Variants in C4orf51 observed in about 807,000 individuals in gnomAD.
C4orf51 encodes the protein uncharacterized protein C4orf51.
In C4orf51, 25 loss-of-function variants were observed where a neutral mutation model predicts 25.2. The observed-to-expected ratio is 0.99, with a 90% confidence interval of 0.72 to 1.39. The LOEUF is 1.39. Ranked by LOEUF, C4orf51 falls within the 40% of genes most tolerant of loss-of-function variation. C4orf51 has a pLI of 0.00. For missense variants in C4orf51, 252 were observed against 239.6 expected, an observed-to-expected ratio of 1.05 and a Z score of -0.34; for synonymous variants, 100 against 84.5, an observed-to-expected ratio of 1.18 and a Z score of -1.01.
chr4:145,712,831 T>C (rs891751340), intron 2 of C4orf51, among the ~76,000 whole-genome samples: 1 of 152,224 alleles, frequency 6.6e-6, no homozygotes, highest in Admixed American at 6.5e-5. Flanking sequence ...AATCAAAGCT[T>C]GGCTTCAAAA....
intron 2 of C4orf51, among the ~76,000 whole-genome samples, chr4:145,713,103 G>A (rs1181926460): frequency 6.6e-6 from 1 of 152,204 alleles, no homozygotes; most frequent in Non-Finnish European, 1.5e-5. Context: ...ACTGCCGACT[G>A]ACAATGCACC....
intron 2 of C4orf51, among the ~76,000 whole-genome samples, chr4:145,721,736 G>A (rs569567817): frequency 6.6e-6 from 1 of 152,298 alleles, no homozygotes; most frequent in South Asian, 2.1e-4. Context: ...GCACTTTACT[G>A]TTCAAGCATA....
At position 145,732,643 on chromosome 4, in the gene C4orf51, C is replaced by G. The variant is rs968791192; in HGVS notation, c.*83C>G. On this transcript the variant is annotated 3_prime_UTR_variant, in exon 6 of 6. Transcript: ENST00000438731. Reference sequence around the variant, plus strand: ...AGGTATGGGGCCCTCCCAACACCCTCCCCCCACCCGCCCCGCCCAGGAACG... The same window carrying G: ...AGGTATGGGGCCCTCCCAACACCCTGCCCCCACCCGCCCCGCCCAGGAACG... 1.2e-5 allele frequency: 10 copies of G among 851,724 alleles called. No homozygotes were observed. The African/African-American group carries it at 1.2e-4, about 10-fold the overall frequency. 52.8% of individuals were successfully genotyped at this position (851,724 alleles called of 1,614,324 possible).
chr4:145,758,007 T>C (rs1464245856), downstream of C4orf51: 2 of 152,194 alleles, frequency 1.3e-5, no homozygotes, highest in Non-Finnish European at 2.9e-5. Flanking sequence ...AGGATATCTA[T>C]GGAATACATC....
At chr4:145,781,983 C>A in the C4orf51 span, among the ~76,000 whole-genome samples, 1 of 152,226 alleles carries the variant, frequency 6.6e-6, no homozygotes, top group African/African-American at 2.4e-5. Flanking sequence ...CTGTCTGATT[C>A]CGTCCACTGG....
chr4:145,696,442 A>G (rs1403076270), intron 1 of C4orf51, 117 bp from the exon 2 acceptor site: 3 of 857,104 alleles, frequency 3.5e-6, no homozygotes, highest in South Asian at 1.5e-5. Flanking sequence ...ATGTACTCCC[A>G]AACCTAAAAT....
At chr4:145,785,742 C>G in the C4orf51 span, among the ~76,000 whole-genome samples, 2 of 152,142 alleles carry the variant, frequency 1.3e-5, no homozygotes, top group Non-Finnish European at 2.9e-5. Flanking sequence ...AGAGACAGAC[C>G]CACGGTGTCA....
intron 1 of C4orf51, among the ~76,000 whole-genome samples, chr4:145,770,035 C>T (rs1185156106): frequency 1.3e-5 from 2 of 152,282 alleles, no homozygotes; most frequent in East Asian, 1.9e-4. Context: ...CCGTGGCTCA[C>T]GCCTGTAATC....
At chr4:145,732,867 G>T, downstream of C4orf51, 1 of 203,042 alleles carries the variant, frequency 4.9e-6, no homozygotes, top group South Asian at 1.2e-4. Context: ...GGGGGCTCCG[G>T]CGTCACAGAG....
intron 1 of C4orf51, among the ~76,000 whole-genome samples, chr4:145,767,899 T>A (rs1735557994): frequency 6.6e-6 from 1 of 152,150 alleles, no homozygotes; most frequent in Admixed American, 6.5e-5. Context: ...ATAAAACTGA[T>A]CTACACAAAA....
At chr4:145,742,810 G>T (rs1733174823) in intron 1 of C4orf51, among the ~76,000 whole-genome samples, 3 of 152,164 alleles carry the variant, frequency 2.0e-5, no homozygotes, top group Admixed American at 2.0e-4. Context: ...AAAGTGCTGG[G>T]ATTGTAGGCG....
At chr4:145,744,073 G>A (rs1218788438) in intron 1 of C4orf51, among the ~76,000 whole-genome samples, 1 of 152,122 alleles carries the variant, frequency 6.6e-6, no homozygotes, top group African/African-American at 2.4e-5. Context: ...GCTGGGAAAT[G>A]TATCTTATTT....
Position 145,732,442 on chromosome 4 carries a change from T to A in C4orf51, c.502-11T>A, listed in dbSNP as rs750519739. On this transcript the variant is annotated splice_polypyrimidine_tract_variant and intron_variant, in intron 5 of 5. Transcript: ENST00000438731. ...TGAGCGAGTGTTGACAACCAGGCCA[T>A]TTTTCTCCAGCTTCATGGACGGTGC... 4.4e-6 allele frequency: 7 copies of A among 1,593,442 alleles called. No individual in the cohort carries two copies. The African/African-American group carries it at 9.4e-5, about 21-fold the overall frequency.
At chr4:145,717,840 T>C (rs1019534874) in intron 2 of C4orf51, among the ~76,000 whole-genome samples, 1 of 152,256 alleles carries the variant, frequency 6.6e-6, no homozygotes, top group Admixed American at 6.5e-5. Context: ...TTCCCTTCTA[T>C]ATCATATGCT....
intron 1 of C4orf51, among the ~76,000 whole-genome samples, chr4:145,685,541 C>T (rs920951882): frequency 6.6e-6 from 1 of 152,076 alleles, no homozygotes; most frequent in Non-Finnish European, 1.5e-5. Context: ...GAGCAAGCAG[C>T]GGGTAACGTG....
At chr4:145,722,570 A>G (rs1299846618) in intron 2 of C4orf51, among the ~76,000 whole-genome samples, 3 of 152,354 alleles carry the variant, frequency 2.0e-5, no homozygotes, top group African/African-American at 7.2e-5. Context: ...AATCTATCCC[A>G]ATGGTTAACA....
intron 2 of C4orf51, among the ~76,000 whole-genome samples, chr4:145,710,458 G>A (rs1471550282): frequency 6.6e-5 from 10 of 151,954 alleles, no homozygotes; most frequent in Non-Finnish European, 1.5e-5. Flanking sequence ...TGCATGTGCA[G>A]TGGCCTGCTA....
In C4orf51 at chr4:145,714,764, T is replaced by C. The variant is rs116671749; in HGVS notation, c.308-12147T>C. On this transcript the variant is annotated intron_variant, in intron 2 of 5. Coordinates refer to ENST00000438731, the MANE Select transcript of C4orf51 (RefSeq NM_001080531.3). ...GTTACTGGCTTTGCCTTTGGAGATATAGTCATATCCTCCAGTCTTCACTGA... is the reference window on the plus strand; with the variant it reads ...GTTACTGGCTTTGCCTTTGGAGATACAGTCATATCCTCCAGTCTTCACTGA... Among the ~76,000 whole-genome samples, 304 of 152,326 alleles carry C rather than the reference T, an allele frequency of 2.0e-3. 2 individuals carry two copies. Among genetic ancestry groups the C allele is most frequent in the African/African-American group, 6.6e-3 (276 of 41,574 alleles).
chr4:145,692,831 C>CGTG (rs1363163326), intron 1 of C4orf51, among the ~76,000 whole-genome samples: 30 of 151,384 alleles, frequency 2.0e-4, no homozygotes, highest in African/African-American at 7.1e-4. Flanking sequence ...CACTTCCCAC[C>CGTG]CAGTCCCTGC....
Sources: gnomAD v4.1 joint callset for allele counts (sites outside exome capture counted in the v4.1 genomes callset) on GRCh38, gnomAD v4.1.1 for gene constraint, MANE v1.5 for transcripts, NCBI Gene and HGNC (gene_info 2026-07-23, HGNC 2026-07-21) for gene names.